The following SKAP1 variants were observed in gnomAD, a reference collection of about 807,000 sequenced individuals.
The protein encoded by SKAP1 is src kinase-associated phosphoprotein 1.
Under a neutral mutation model 58.5 loss-of-function variants are expected in SKAP1, and 44 were observed. That is an observed-to-expected ratio of 0.75 (90% confidence interval 0.59 to 0.97). The LOEUF is 0.97. SKAP1 is among the 50% of genes least tolerant of loss of function. SKAP1 has a pLI of 0.00. For missense variants in SKAP1, 390 were observed against 435.2 expected, an observed-to-expected ratio of 0.90 and a Z score of 0.92; for synonymous variants, 127 against 149.7, an observed-to-expected ratio of 0.85 and a Z score of 1.11.
intron 4 of SKAP1, among the ~76,000 whole-genome samples, chr17:48,254,519 T>C (rs1419499802): frequency 6.6e-6 from 1 of 151,966 alleles, no homozygotes; most frequent in Non-Finnish European, 1.5e-5. Flanking sequence ...TATATAGATG[T>C]ATTGTTAAAG....
At chr17:48,309,249 T>C (rs190917094) in intron 4 of SKAP1, among the ~76,000 whole-genome samples, 2 of 151,924 alleles carry the variant, frequency 1.3e-5, no homozygotes, top group Admixed American at 1.3e-4. Flanking sequence ...GATATTTGTA[T>C]TGTAAATATT....
At chr17:48,238,292 C>A (rs2065204472) in intron 4 of SKAP1, among the ~76,000 whole-genome samples, 1 of 152,152 alleles carries the variant, frequency 6.6e-6, no homozygotes, top group Non-Finnish European at 1.5e-5. Context: ...CAAGGACAAT[C>A]AGATGAATAT....
intron 2 of SKAP1, among the ~76,000 whole-genome samples, chr17:48,367,293 TTAAG>T (rs1161880579): frequency 5.9e-5 from 9 of 152,062 alleles, no homozygotes; most frequent in East Asian, 1.9e-4. Flanking sequence ...AATACTATAA[TTAAG>T]TATTTCTGTC....
At chr17:48,265,974 T>C (rs533245622) in intron 4 of SKAP1, among the ~76,000 whole-genome samples, 1 of 152,364 alleles carries the variant, frequency 6.6e-6, no homozygotes, top group African/African-American at 2.4e-5. Context: ...AAATGACTGC[T>C]TGCTGTTTGA....
chr17:48,158,134 G>C (rs73320825), intron 11 of SKAP1, among the ~76,000 whole-genome samples: 5,445 of 142,208 alleles, frequency 0.038, 119 homozygotes, highest in Middle Eastern at 0.054. Flanking sequence ...CCAAGATCAT[G>C]CTATCGCACT....
At chr17:48,297,610 T>C (rs1162132113) in intron 4 of SKAP1, among the ~76,000 whole-genome samples, 2 of 152,176 alleles carry the variant, frequency 1.3e-5, no homozygotes, top group Non-Finnish European at 2.9e-5. Flanking sequence ...ATTAAAAATA[T>C]ATATGGTTCA....
At chr17:48,331,555 C>G (rs146639360) in intron 4 of SKAP1, among the ~76,000 whole-genome samples, 2 of 151,828 alleles carry the variant, frequency 1.3e-5, no homozygotes. Context: ...CAAAATTAGC[C>G]GGGCGTGGTG....
intron 1 of SKAP1, among the ~76,000 whole-genome samples, chr17:48,414,703 G>T (rs2067711324): frequency 6.6e-6 from 1 of 152,080 alleles, no homozygotes; most frequent in African/African-American, 2.4e-5. Context: ...ATGACTGAAG[G>T]ACAAGGGAAA....
chr17:48,153,970 GGTT>G (rs1164721105), intron 11 of SKAP1, among the ~76,000 whole-genome samples: 1 of 151,916 alleles, frequency 6.6e-6, no homozygotes, highest in African/African-American at 2.4e-5. Context: ...TTTTTATGAG[GGTT>G]GTTGTCACAT....
chr17:48,274,109 C>A (rs1299078770), intron 4 of SKAP1, among the ~76,000 whole-genome samples: 1 of 152,102 alleles, frequency 6.6e-6, no homozygotes. Context: ...AATTTTTAGG[C>A]CAAGCGAGGT....
At chr17:48,225,713 C>T (rs1027404553) in intron 4 of SKAP1, among the ~76,000 whole-genome samples, 2 of 152,074 alleles carry the variant, frequency 1.3e-5, no homozygotes, top group Non-Finnish European at 2.9e-5. Flanking sequence ...ACTTATTTTC[C>T]GCAGCCTCAT....
At chr17:48,443,056 G>C in the SKAP1 span, among the ~76,000 whole-genome samples, 1 of 151,960 alleles carries the variant, frequency 6.6e-6, no homozygotes, top group Non-Finnish European at 1.5e-5. Flanking sequence ...TCCCACTTCC[G>C]TTTGCTCACA....
At chr17:48,321,345 CTCATTA>C (rs2066360465) in intron 4 of SKAP1, among the ~76,000 whole-genome samples, 1 of 139,206 alleles carries the variant, frequency 7.2e-6, no homozygotes, top group African/African-American at 2.7e-5. Context: ...ATCCTTCTGT[CTCATTA>C]TTATTATTAT....
At chr17:48,279,472 A>G (rs1021452272) in intron 4 of SKAP1, among the ~76,000 whole-genome samples, 2 of 152,246 alleles carry the variant, frequency 1.3e-5, no homozygotes, top group African/African-American at 4.8e-5. Context: ...GCAGGATAAC[A>G]TATGAGGAGG....
At position 48,184,859 on chromosome 17, in the gene SKAP1, G is replaced by A. The variant is rs909054691; in HGVS notation, c.443-12C>T. ...TTTGGGCTGCTTGCCTGCAAGACAG[G>A]AAAGCTCCCTGTATCCCTAGAGAGA... On this transcript the variant is annotated splice_polypyrimidine_tract_variant and intron_variant, in intron 6 of 12. Coordinates refer to ENST00000336915, the MANE Select transcript of SKAP1 (RefSeq NM_003726.4). The A allele has an allele frequency of 6.2e-7, 1 of 1,612,574 alleles. No individual in the cohort carries two copies. Among genetic ancestry groups the A allele is most frequent in the Non-Finnish European group, 8.5e-7 (1 of 1,179,350 alleles).
intron 4 of SKAP1, among the ~76,000 whole-genome samples, chr17:48,222,715 T>C: frequency 6.6e-6 from 1 of 151,488 alleles, no homozygotes; most frequent in African/African-American, 2.4e-5. Flanking sequence ...CCTGACCTCA[T>C]GATACGCCCA....
chr17:48,402,841 C>A (rs1160447287), intron 1 of SKAP1, among the ~76,000 whole-genome samples: 1 of 152,022 alleles, frequency 6.6e-6, no homozygotes, highest in Non-Finnish European at 1.5e-5. Context: ...CGTATGATTC[C>A]ATTTACATGA....
intron 3 of SKAP1, among the ~76,000 whole-genome samples, chr17:48,349,080 A>G (rs2066761591): frequency 6.6e-6 from 1 of 152,372 alleles, no homozygotes; most frequent in African/African-American, 2.4e-5. Context: ...AAACAAGGCT[A>G]TAATACCATA....
intron 2 of SKAP1, among the ~76,000 whole-genome samples, chr17:48,373,426 G>C (rs1157545837): frequency 1.3e-5 from 2 of 152,168 alleles, no homozygotes; most frequent in Non-Finnish European, 1.5e-5. Context: ...TGGGGGGACA[G>C]AGCCAAACCA....
Sources: allele counts gnomAD v4.1 joint callset (sites outside exome capture counted in the v4.1 genomes callset), GRCh38; gene constraint gnomAD v4.1.1; transcripts MANE v1.5; gene names NCBI Gene and HGNC (gene_info 2026-07-23, HGNC 2026-07-21).